DNMBP: variants seen among roughly 807,000 people sequenced by gnomAD.
DNMBP encodes the protein dynamin-binding protein.
Under a neutral mutation model 150.0 loss-of-function variants are expected in DNMBP, and 87 were observed. The observed-to-expected ratio is 0.58, with a 90% confidence interval of 0.49 to 0.69. The LOEUF (loss-of-function observed/expected upper bound fraction) is 0.69. Ranked by LOEUF, DNMBP falls within the 30% of genes least tolerant of loss-of-function variation. The probability of loss-of-function intolerance (pLI) is 0.00; values close to 1 mark genes in which losing one functional copy is unlikely to be tolerated. For synonymous variants in DNMBP, 711 were observed against 750.4 expected (o/e 0.95, Z 0.86); for missense variants, 1,774 against 1,949.0 (o/e 0.91, Z 1.69).
intron 1 of DNMBP, among the ~76,000 whole-genome samples, chr10:99,990,166 G>A (rs1274859250): frequency 6.6e-6 from 1 of 152,180 alleles, no homozygotes; most frequent in African/African-American, 2.4e-5. Context: ...AGGTTTCACA[G>A]GACTTATTTC....
At chr10:99,989,643 G>A (rs1396349419) in intron 1 of DNMBP, among the ~76,000 whole-genome samples, 12 of 152,094 alleles carry the variant, frequency 7.9e-5, no homozygotes, top group Admixed American at 6.5e-5. Context: ...CCTGGGAGGC[G>A]GAGGTTGCAG....
chr10:99,978,348 T>A (rs1344143368), intron 1 of DNMBP, among the ~76,000 whole-genome samples: 1 of 152,172 alleles, frequency 6.6e-6, no homozygotes, highest in East Asian at 1.9e-4. Context: ...AACAGTGAGG[T>A]TGAAAGAATT....
At chr10:99,990,520 C>T (rs1188890469) in intron 1 of DNMBP, among the ~76,000 whole-genome samples, 6 of 149,908 alleles carry the variant, frequency 4.0e-5, no homozygotes, top group South Asian at 2.1e-4. Flanking sequence ...CACTGCACTC[C>T]GGCCTGGGTG....
At chr10:99,893,741 T>C (rs1301529564) in intron 11 of DNMBP, among the ~76,000 whole-genome samples, 2 of 151,962 alleles carry the variant, frequency 1.3e-5, no homozygotes, top group Non-Finnish European at 2.9e-5. Context: ...AAAAGAACAA[T>C]GGGCCTCTGT....
At chr10:99,943,210 G>A (rs957988655) in intron 4 of DNMBP, among the ~76,000 whole-genome samples, 2 of 151,928 alleles carry the variant, frequency 1.3e-5, no homozygotes, top group African/African-American at 4.8e-5. Context: ...GCTTGAACCC[G>A]GGAGGCAGAG....
In DNMBP at chr10:99,902,600, G is replaced by A. The variant is rs1433433053; in HGVS notation, c.2555-2534C>T. Among the ~76,000 whole-genome samples, 7 of 137,394 alleles carry A rather than the reference G, an allele frequency of 5.1e-5. 1 individual carries two copies. The highest frequency in any genetic ancestry group is 2.3e-4 in the Admixed American group (3 of 13,096). The allele number at this position is 137,394 out of a possible 152,430, so 90.1% of individuals were successfully genotyped here. Reference sequence around the variant, plus strand: ...GCTGGGATTACCGGTGTGAAACACCGCACCCGGCTGCCTCCCTTTAAAAAA... The same window carrying A: ...GCTGGGATTACCGGTGTGAAACACCACACCCGGCTGCCTCCCTTTAAAAAA... On this transcript the variant is annotated intron_variant, in intron 6 of 16. Transcript: ENST00000324109.
chr10:99,894,282 GGGACA>G (rs2039619649), intron 11 of DNMBP, among the ~76,000 whole-genome samples: 1 of 152,130 alleles, frequency 6.6e-6, no homozygotes, highest in Non-Finnish European at 1.5e-5. Flanking sequence ...AAAGATCAGA[GGGACA>G]GGAGTATCCA....
chr10:99,947,401 T>C (rs2040369381), intron 4 of DNMBP, among the ~76,000 whole-genome samples: 1 of 152,194 alleles, frequency 6.6e-6, no homozygotes, highest in Non-Finnish European at 1.5e-5. Context: ...TGAAATCATG[T>C]CCTTTGCAGC....
chr10:99,927,644 A>C (rs1294935144), intron 4 of DNMBP, among the ~76,000 whole-genome samples: 1 of 152,202 alleles, frequency 6.6e-6, no homozygotes, highest in Non-Finnish European at 1.5e-5. Flanking sequence ...AGAATGCTGA[A>C]AGATTTCTAG....
intron 3 of DNMBP, among the ~76,000 whole-genome samples, chr10:99,961,634 C>T (rs1189253585): frequency 6.6e-6 from 1 of 152,122 alleles, no homozygotes; most frequent in Non-Finnish European, 1.5e-5. Context: ...GAAATCTTGT[C>T]CCCACGCATT....
At chr10:99,894,912 A>G in intron 11 of DNMBP, 34 bp downstream of exon 11, 2 of 1,467,538 alleles carry the variant, frequency 1.4e-6, no homozygotes, top group Non-Finnish European at 1.9e-6. Flanking sequence ...ATTACATCGT[A>G]TGTTAATCTA....
intron 1 of DNMBP, among the ~76,000 whole-genome samples, chr10:100,001,410 G>GTTTTTATT (rs1346291816): frequency 1.0e-5 from 1 of 96,372 alleles, no homozygotes; most frequent in African/African-American, 3.9e-5. Flanking sequence ...TTTTGTTGTT[G>GTTTTTATT]TTGTTTTTTT....
At position 99,880,387 on chromosome 10, in the gene DNMBP, C is replaced by T. The variant is rs536509668; in HGVS notation, c.3998-26G>A. 6 of 1,530,866 alleles carry T rather than the reference C, an allele frequency of 3.9e-6. No individual in the cohort carries two copies. In the African/African-American group the frequency reaches 5.5e-5, roughly 14 times the overall value. 94.8% of individuals were successfully genotyped at this position (1,530,866 alleles called of 1,614,324 possible). A position where few individuals can be genotyped will look rare whatever the true frequency, so the allele number is the denominator to read the frequency against. ...CTACAAAGGAAACAGGAAATATAAA[C>T]AAGAACTCTTAGCAGAAGGCTGGAC... On this transcript the variant is annotated intron_variant, in intron 15 of 16. Transcript: ENST00000324109.
At chr10:99,899,247 CTACTTATCCATA>C (rs1168534894) in intron 7 of DNMBP, among the ~76,000 whole-genome samples, 1 of 151,972 alleles carries the variant, frequency 6.6e-6, no homozygotes, top group African/African-American at 2.4e-5. Context: ...TCTCTTTGAT[CTACTTATCCATA>C]TATCTTTATA....
At chr10:99,975,654 A>G (rs1430834579) in intron 1 of DNMBP, among the ~76,000 whole-genome samples, 1 of 152,180 alleles carries the variant, frequency 6.6e-6, no homozygotes, top group African/African-American at 2.4e-5. Context: ...TTACCAAAAA[A>G]AATCTAATTA....
intron 4 of DNMBP, among the ~76,000 whole-genome samples, chr10:99,950,765 T>G (rs2040412167): frequency 6.6e-6 from 1 of 152,202 alleles, no homozygotes; most frequent in African/African-American, 2.4e-5. Context: ...GTGACTTGGG[T>G]GCTGTTAAAG....
chr10:99,956,140 T>A lies in DNMBP; in HGVS notation c.1334A>T (p.Asp445Val), dbSNP rs1295870335. Reference protein sequence around the residue: ...GSHPHSEQYPDLLPLEARTRD... With the variant: ...GSHPHSEQYPVLLPLEARTRD... Reference sequence around the variant, plus strand: ...AGTCCTTGCTTCTAGGGGAAGAAGGTCGGGGTACTGTTCTGAGTGCGGGTG... The same window carrying A: ...AGTCCTTGCTTCTAGGGGAAGAAGGACGGGGTACTGTTCTGAGTGCGGGTG... Residue 445 changes from aspartate (D) to valine (V), a missense_variant, in exon 4 of 17, where the codon GAC (aspartate) becomes GTC (valine). Transcript: ENST00000324109. 1.2e-6 allele frequency: 2 copies of A among 1,614,036 alleles called. No individual in the cohort carries two copies. The highest frequency in any genetic ancestry group is 1.7e-6 in the Non-Finnish European group (2 of 1,179,996).
At chr10:99,900,499 A>AC (rs1231034454) in intron 6 of DNMBP, among the ~76,000 whole-genome samples, 7 of 152,130 alleles carry the variant, frequency 4.6e-5, no homozygotes, top group African/African-American at 1.7e-4. Flanking sequence ...GTTTTAGAAC[A>AC]AACACACACA....
intron 3 of DNMBP, among the ~76,000 whole-genome samples, chr10:99,958,673 T>C (rs1030587629): frequency 1.1e-4 from 17 of 152,220 alleles, no homozygotes; most frequent in African/African-American, 4.1e-4. Context: ...TCTGATGAGA[T>C]AGTAACAAAT....
Sources: gnomAD v4.1 joint callset for allele counts (sites outside exome capture counted in the v4.1 genomes callset) on GRCh38, gnomAD v4.1.1 for gene constraint, MANE v1.5 for transcripts, NCBI Gene and HGNC (gene_info 2026-07-23, HGNC 2026-07-21) for gene names.